Variants in IL1R2 observed in about 807,000 individuals in gnomAD.
IL1R2 encodes interleukin-1 receptor type 2.
In IL1R2, 46 loss-of-function variants were observed where a neutral mutation model predicts 39.5. The ratio of observed to expected loss-of-function variants is 1.16; its 90% CI spans 0.92 to 1.49. The LOEUF (loss-of-function observed/expected upper bound fraction) is 1.49. Among genes scored for constraint, IL1R2 ranks in the 40% most tolerant of loss-of-function variants. IL1R2 has a pLI of 0.00. For synonymous variants in IL1R2, 207 were observed against 189.6 expected, an observed-to-expected ratio of 1.09 and a Z score of -0.75; for missense variants, 537 against 502.0, an observed-to-expected ratio of 1.07 and a Z score of -0.67.
rs3218987 is a variant in IL1R2, at chr2:102,028,428, G to T, written c.*36G>T. 3.3e-6 allele frequency: 5 copies of T among 1,515,364 alleles called. No homozygotes were observed. Among genetic ancestry groups the T allele is most frequent in the Non-Finnish European group, 4.5e-6 (5 of 1,116,122 alleles). The allele number at this position is 1,515,364 out of a possible 1,614,324, so 93.9% of individuals were successfully genotyped here. ...ATGAAATAATTCAAACACAAACTCC[G>T]TACGTCTTCTCTTATGGAAGTGGCT... On this transcript the variant is annotated 3_prime_UTR_variant, in exon 9 of 9. Transcript: ENST00000332549.
chr2:101,997,892 G>A (rs1359569652), intron 1 of IL1R2, among the ~76,000 whole-genome samples: 1 of 152,164 alleles, frequency 6.6e-6, no homozygotes, highest in Non-Finnish European at 1.5e-5. Flanking sequence ...GATTCCTCTT[G>A]TACCTTCCCT....
At chr2:102,025,145 A>T (rs565125391) in intron 7 of IL1R2, among the ~76,000 whole-genome samples, 48 of 152,354 alleles carry the variant, frequency 3.2e-4, no homozygotes, top group Non-Finnish European at 5.1e-4. Context: ...TTCAGTTCTC[A>T]TAAGCAGTCA....
intron 1 of IL1R2, among the ~76,000 whole-genome samples, chr2:101,994,397 T>C (rs554463261): frequency 6.6e-6 from 1 of 152,286 alleles, no homozygotes; most frequent in East Asian, 1.9e-4. Flanking sequence ...TCGGGTTGCT[T>C]TTTCATGTTT....
At chr2:101,992,673 G>T (rs1675405001) in intron 1 of IL1R2, among the ~76,000 whole-genome samples, 1 of 149,638 alleles carries the variant, frequency 6.7e-6, no homozygotes, top group African/African-American at 2.5e-5. Context: ...ACAGAGAAAG[G>T]CAGACAGAGA....
intron 1 of IL1R2, among the ~76,000 whole-genome samples, chr2:102,002,763 T>TATCTA (rs1577685519): frequency 6.7e-6 from 1 of 150,082 alleles, no homozygotes; most frequent in Non-Finnish European, 1.5e-5. Context: ...TCTATATCTA[T>TATCTA]ATCTATATCT....
intron 1 of IL1R2, 66 bp downstream of exon 1, chr2:101,992,077 G>A (rs1675351935): frequency 1.4e-5 from 2 of 140,068 alleles, no homozygotes; most frequent in Admixed American, 1.4e-4. Flanking sequence ...GAGAGGGAGA[G>A]AGAGAGAGAA....
intron 1 of IL1R2, among the ~76,000 whole-genome samples, chr2:102,007,085 A>T (rs1487521038): frequency 6.6e-6 from 1 of 152,188 alleles, no homozygotes; most frequent in Non-Finnish European, 1.5e-5. Context: ...AGCAAGAGTG[A>T]ACGACCGTTG....
chr2:101,996,388 A>C (rs2871444), intron 1 of IL1R2, among the ~76,000 whole-genome samples: 1 of 151,602 alleles, frequency 6.6e-6, no homozygotes, highest in East Asian at 1.9e-4. Flanking sequence ...AACCCAGCAA[A>C]TCTGGGCTAT....
chr2:102,013,524 C>CAAAAAAAAAAAA (rs771727938), intron 3 of IL1R2, among the ~76,000 whole-genome samples: 2 of 5,690 alleles, frequency 3.5e-4, no homozygotes, highest in African/African-American at 1.3e-3. Flanking sequence ...TCTATCACTG[C>CAAAAAAAAAAAA]AAAAAAAAAA....
At chr2:102,028,069 C>T (rs1180161653) in intron 8 of IL1R2, among the ~76,000 whole-genome samples, 157 bp from the exon 9 acceptor site, 1 of 152,218 alleles carries the variant, frequency 6.6e-6, no homozygotes, top group African/African-American at 2.4e-5. Context: ...AAATATCCTC[C>T]ATGTTGGTGT....
At position 102,024,567 on chromosome 2, in the gene IL1R2, G is replaced by A; in HGVS notation, c.786G>A (p.Leu262=). The change falls in exon 7 of 9, where the codon CTG becomes CTA. Residue 262 remains leucine (L), a synonymous_variant. Coordinates refer to ENST00000332549, the MANE Select transcript of IL1R2 (RefSeq NM_004633.4). ...TGACAATCCCGTGTAAGGTGTTTCTGGGAACCGGCACACCCTTAACCACCA... is the reference window on the plus strand; with the variant it reads ...TGACAATCCCGTGTAAGGTGTTTCTAGGAACCGGCACACCCTTAACCACCA... ...SRLTIPCKVF[L]GTGTPLTTML... 1 of 1,614,034 alleles carries A rather than the reference G, an allele frequency of 6.2e-7. No individual in the cohort carries two copies. The highest frequency in any genetic ancestry group is 8.5e-7 in the Non-Finnish European group (1 of 1,180,000).
At chr2:102,023,439 T>C (rs1055747079) in intron 6 of IL1R2, 1 of 152,224 alleles carries the variant, frequency 6.6e-6, no homozygotes, top group African/African-American at 2.4e-5. Context: ...TTGCTTTGGA[T>C]GCACTGGAAT....
rs184167704 is a variant in IL1R2 at position 101,994,281 on chromosome 2, A to G, written c.-62+2270A>G. On this transcript the variant is annotated intron_variant, in intron 1 of 8. Transcript: ENST00000332549. ...CCCGACCTCCAAAGCCTGTTTGACA[A>G]TTAGAGCTGAGGGATCCAGAACATC... 1.8e-3 allele frequency among the ~76,000 whole-genome samples: 271 copies of G among 152,204 alleles called. 2 individuals are homozygous for G. The highest frequency in any genetic ancestry group is 6.1e-3 in the African/African-American group (254 of 41,544).
intron 1 of IL1R2, among the ~76,000 whole-genome samples, chr2:102,002,589 C>A (rs1339504494): frequency 7.7e-6 from 1 of 130,086 alleles, no homozygotes; most frequent in Non-Finnish European, 1.6e-5. Flanking sequence ...TTTATGTCTG[C>A]GTCTGTGTCT....
intron 3 of IL1R2, 86 bp from the exon 4 acceptor site, chr2:102,015,783 AAT>A: frequency 9.5e-7 from 1 of 1,053,242 alleles, no homozygotes; most frequent in Admixed American, 2.0e-5. Flanking sequence ...TGCAGATTTT[AAT>A]AGAGTTGGGG....
chr2:102,003,627 C>T (rs373009187), intron 1 of IL1R2, among the ~76,000 whole-genome samples: 14 of 83,878 alleles, frequency 1.7e-4, no homozygotes, highest in East Asian at 4.6e-4. Flanking sequence ...CTGTCTGTGT[C>T]CCATGTCTGT....
At chr2:102,013,234 G>C (rs1377184329) in intron 3 of IL1R2, among the ~76,000 whole-genome samples, 2 of 152,160 alleles carry the variant, frequency 1.3e-5, no homozygotes, top group Admixed American at 1.3e-4. Flanking sequence ...TTCTTTGCAT[G>C]ATGGGAAGGT....
At chr2:102,016,434 A>G in intron 4 of IL1R2, 1 of 168,416 alleles carries the variant, frequency 5.9e-6, no homozygotes, top group Non-Finnish European at 1.3e-5. Flanking sequence ...AGCTGTCTCA[A>G]CATCATAGTG....
chr2:101,999,482 G>A (rs1675743598), intron 1 of IL1R2, among the ~76,000 whole-genome samples: 1 of 152,222 alleles, frequency 6.6e-6, no homozygotes, highest in South Asian at 2.1e-4. Context: ...CGGCAAGAGA[G>A]TTGACTGAGT....
Sources: gnomAD v4.1 joint callset for allele counts (sites outside exome capture counted in the v4.1 genomes callset) on GRCh38, gnomAD v4.1.1 for gene constraint, MANE v1.5 for transcripts, NCBI Gene and HGNC (gene_info 2026-07-23, HGNC 2026-07-21) for gene names.